Variants in SLAMF9 observed in about 807,000 individuals in gnomAD.
SLAMF9 encodes SLAM family member 9.
In SLAMF9, 25 loss-of-function variants were observed where a neutral mutation model predicts 30.4. The observed-to-expected ratio is 0.82, with a 90% CI of 0.60 to 1.15. The LOEUF is 1.15. SLAMF9 is among the 50% of genes most tolerant of loss of function. The probability of loss-of-function intolerance (pLI) is 0.00; values close to 1 mark genes in which losing one functional copy is unlikely to be tolerated. For missense variants in SLAMF9, 344 were observed against 346.1 expected (o/e 0.99, Z 0.05); for synonymous variants, 129 against 127.2 (o/e 1.01, Z -0.09).
chr1:159,980,916 C>T, the SLAMF9 span, among the ~76,000 whole-genome samples: 1 of 152,352 alleles, frequency 6.6e-6, no homozygotes, highest in African/African-American at 2.4e-5. Context: ...CTTGGACCCA[C>T]CTGACTTTCT....
Position 159,951,914 on chromosome 1 carries a change from G to A in SLAMF9, c.665-48C>T, listed in dbSNP as rs755360138. ...AGGGCCCATCAGTGGTAGGGTTGGG[G>A]TTAAGATTTGGGCAGACTCCTACCC... On this transcript the variant is annotated intron_variant, in intron 3 of 3. Coordinates refer to ENST00000368093, the MANE Select transcript of SLAMF9 (RefSeq NM_033438.4). 9.6e-6 allele frequency: 15 copies of A among 1,568,744 alleles called. No homozygotes were observed. The South Asian group carries it at 1.5e-4, about 15-fold the overall frequency.
At chr1:159,966,232 C>T in the SLAMF9 span, among the ~76,000 whole-genome samples, 1 of 152,168 alleles carries the variant, frequency 6.6e-6, no homozygotes, top group Non-Finnish European at 1.5e-5. Context: ...TGGCTTATTT[C>T]ACTTAGCATA....
the SLAMF9 span, among the ~76,000 whole-genome samples, chr1:159,965,273 ACAAGG>A: frequency 6.6e-6 from 1 of 152,210 alleles, no homozygotes; most frequent in Non-Finnish European, 1.5e-5. Context: ...GTGAGGAAAA[ACAAGG>A]CAGGATAAAG....
the SLAMF9 span, among the ~76,000 whole-genome samples, chr1:159,969,041 C>CAA: frequency 6.0e-5 from 9 of 151,036 alleles, no homozygotes; most frequent in Non-Finnish European, 7.4e-5. Flanking sequence ...GACTCCATCT[C>CAA]AAAAAAAAGA....
the SLAMF9 span, chr1:159,972,946 C>T: frequency 1.9e-6 from 2 of 1,074,354 alleles, no homozygotes; most frequent in South Asian, 2.5e-5. Context: ...GGGGGTCCCA[C>T]TGCATGATGC....
chr1:159,953,236 A>G lies in SLAMF9; in HGVS notation c.391+73T>C, dbSNP rs1651822471. 2.4e-6 allele frequency: 3 copies of G among 1,262,472 alleles called. No homozygotes were observed. In the Admixed American group the frequency reaches 6.0e-5, roughly 25 times the overall value. 78.2% of individuals were successfully genotyped at this position (1,262,472 alleles called of 1,614,324 possible). Reference sequence around the variant, plus strand: ...TCAAACCATAACCCCAAGTCCTGAGACGCCCACTCCATGGTGTGAGAAGCT... The same window carrying G: ...TCAAACCATAACCCCAAGTCCTGAGGCGCCCACTCCATGGTGTGAGAAGCT... On this transcript the variant is annotated intron_variant, in intron 2 of 3. Coordinates refer to ENST00000368093, the MANE Select transcript of SLAMF9 (RefSeq NM_033438.4).
chr1:159,954,544 TGG>T (rs1651883413), upstream of SLAMF9, among the ~76,000 whole-genome samples: 1 of 152,178 alleles, frequency 6.6e-6, no homozygotes, highest in Non-Finnish European at 1.5e-5. Flanking sequence ...TAGCTCTCTC[TGG>T]GTAATTCCTA....
the SLAMF9 span, chr1:159,976,942 AAG>A: frequency 7.8e-4 from 4 of 5,154 alleles, no homozygotes; most frequent in Non-Finnish European, 1.3e-3. Context: ...GAAAGAAAGA[AAG>A]AAAGAAAGAA....
the SLAMF9 span, among the ~76,000 whole-genome samples, chr1:159,982,611 C>G: frequency 6.6e-6 from 1 of 152,194 alleles, no homozygotes; most frequent in Non-Finnish European, 1.5e-5. Context: ...AATTCTTTGT[C>G]TTTTAGGGAA....
upstream of SLAMF9, among the ~76,000 whole-genome samples, chr1:159,957,809 T>C (rs1004489833): frequency 4.6e-5 from 7 of 151,886 alleles, no homozygotes; most frequent in Non-Finnish European, 1.0e-4. Context: ...AAATAAAAAA[T>C]AAAAGCAAGG....
chr1:159,980,770 A>T, the SLAMF9 span: 4 of 152,414 alleles, frequency 2.6e-5, no homozygotes, highest in Non-Finnish European at 2.9e-5. Context: ...CGAACTCCCG[A>T]TCTCAGATGA....
chr1:159,961,673 C>T, the SLAMF9 span, among the ~76,000 whole-genome samples: 2 of 152,144 alleles, frequency 1.3e-5, no homozygotes, highest in Non-Finnish European at 1.5e-5. Flanking sequence ...GTGTTCCTCG[C>T]AGAGGGAGCA....
At chr1:159,963,230 T>G in the SLAMF9 span, among the ~76,000 whole-genome samples, 4 of 152,306 alleles carry the variant, frequency 2.6e-5, no homozygotes, top group South Asian at 8.3e-4. Context: ...TACTGAAGGT[T>G]GGTTAAGCAT....
At chr1:159,959,037 G>T (rs1185463410), upstream of SLAMF9, among the ~76,000 whole-genome samples, 1 of 152,082 alleles carries the variant, frequency 6.6e-6, no homozygotes, top group Non-Finnish European at 1.5e-5. Flanking sequence ...CTGGTAGTCG[G>T]GGAGGGAGCA....
chr1:159,964,280 A>G, the SLAMF9 span, among the ~76,000 whole-genome samples: 1 of 152,052 alleles, frequency 6.6e-6, no homozygotes, highest in Non-Finnish European at 1.5e-5. Context: ...TTTGTTTCCA[A>G]TCACAAAGGG....
chr1:159,972,917 C>T, the SLAMF9 span: 1 of 1,008,404 alleles, frequency 9.9e-7, no homozygotes, highest in Non-Finnish European at 1.4e-6. Context: ...GGACACTTCC[C>T]ACAACTCCTC....
At chr1:159,959,182 C>T (rs1271345960), upstream of SLAMF9, among the ~76,000 whole-genome samples, 1 of 152,188 alleles carries the variant, frequency 6.6e-6, no homozygotes, top group African/African-American at 2.4e-5. Flanking sequence ...ACTCTTCTTA[C>T]CTAGCTGAGT....
the SLAMF9 span, among the ~76,000 whole-genome samples, chr1:159,967,022 T>C: frequency 3.9e-5 from 6 of 152,196 alleles, no homozygotes; most frequent in African/African-American, 1.4e-4. Context: ...TTTTGTTACC[T>C]GAGGTGTCAG....
At chr1:159,976,953 A>AAAG in the SLAMF9 span, 1 of 5,750 alleles carries the variant, frequency 1.7e-4, no homozygotes, top group Non-Finnish European at 1.0e-3. Flanking sequence ...AGAAAGAAAG[A>AAAG]AAGAAAGAGA....
Sources: allele counts gnomAD v4.1 joint callset (sites outside exome capture counted in the v4.1 genomes callset), GRCh38; gene constraint gnomAD v4.1.1; transcripts MANE v1.5; gene names NCBI Gene and HGNC (gene_info 2026-07-23, HGNC 2026-07-21).